IFT122: variants seen among roughly 807,000 people sequenced by gnomAD.
IFT122 encodes the protein intraflagellar transport 122.
IFT122 carries 118 observed loss-of-function variants against 161.6 expected under a neutral mutation model. That is an observed-to-expected ratio of 0.73 (90% CI 0.63 to 0.85). The LOEUF is 0.85. Ranked by LOEUF, IFT122 falls within the 40% of genes least tolerant of loss-of-function variation. The probability of loss-of-function intolerance (pLI) is 0.00; values close to 1 mark genes in which losing one functional copy is unlikely to be tolerated. For synonymous variants in IFT122, 550 were observed against 602.4 expected, an observed-to-expected ratio of 0.91 and a Z score of 1.27; for missense variants, 1,381 against 1,579.6, an observed-to-expected ratio of 0.87 and a Z score of 2.13.
rs574851376 is a variant in IFT122, at chr3:129,442,372, G to GAT, written c.41+2009_41+2010dup. Among the ~76,000 whole-genome samples the GAT allele has an allele frequency of 2.0e-3, 297 of 152,060 alleles. 1 individual carries two copies. The highest frequency in any genetic ancestry group is 6.2e-3 in the African/African-American group (259 of 41,466). The stretch of plus-strand genomic sequence containing the variant: ...TACTATGGATAGTAATAAAATACTA[G>GAT]ATATATATAAAACGAAATACTGTGG... On this transcript the variant is annotated intron_variant, in intron 1 of 29. Transcript: ENST00000348417.
Position 129,463,568 on chromosome 3 carries a change from T to C in IFT122, c.358T>C (p.Ser120Pro). The C allele has an allele frequency of 6.2e-7, 1 of 1,613,816 alleles. No individual in the cohort carries two copies. The highest frequency in any genetic ancestry group is 1.1e-5 in the South Asian group (1 of 91,080). The change falls in exon 6 of 30, where the codon TCT (serine) becomes CCT (proline). Residue 120 changes from serine (S) to proline (P), a missense_variant. Ser to Pro is a moderately conservative substitution (Grantham distance 74). Around this residue, in one of 7 missense-constraint regions of IFT122, gnomAD observed 3 missense variants for 18.8 expected, o/e 0.16. Transcript: ENST00000348417. ...ATTATTGTGCATTGAAGGGTTGTGGTCTCCTGAACAGAAGTCTGTCTCCAA... is the reference window on the plus strand; with the variant it reads ...ATTATTGTGCATTGAAGGGTTGTGGCCTCCTGAACAGAAGTCTGTCTCCAA... ...SCSSSDFGLWSPEQKSVSKHK... is the reference protein window; with the variant it reads ...SCSSSDFGLWPPEQKSVSKHK...
chr3:129,460,753 G>A, intron 4 of IFT122: 1 of 904,882 alleles, frequency 1.1e-6, no homozygotes, highest in Admixed American at 1.7e-5. Context: ...TGTAAGTAAA[G>A]TATTACCCAC....
chr3:129,518,999 C>T, intron 27 of IFT122, 108 bp from the exon 28 acceptor site: 1 of 946,234 alleles, frequency 1.1e-6, no homozygotes, highest in South Asian at 1.3e-5. Flanking sequence ...CTGGAAAACT[C>T]TTCCACTGGT....
intron 3 of IFT122, 60 bp from the exon 4 acceptor site, chr3:129,458,539 T>A: frequency 7.1e-7 from 1 of 1,402,166 alleles, no homozygotes; most frequent in Admixed American, 1.7e-5. Context: ...TAAAGAATTC[T>A]CTCTGGGAAA....
rs10579071 is a variant in IFT122, at chr3:129,494,685, A to AGTGTGTGT, written c.2047-744_2047-737dup. Among the ~76,000 whole-genome samples, 166 of 150,614 alleles carry AGTGTGTGT rather than the reference A, an allele frequency of 1.1e-3. 1 individual carries two copies. The highest frequency in any genetic ancestry group is 8.1e-3 in the East Asian group (41 of 5,056). Reference sequence around the variant, plus strand: ...AAGAAGCTTTATCCTAGCTGTGCTAAGTGTGTGTGTGTGTGTGTGTGTGTT... The same window carrying AGTGTGTGT: ...AAGAAGCTTTATCCTAGCTGTGCTAAGTGTGTGTGTGTGTGTGTGTGTGTGTGTGTGTT... On this transcript the variant is annotated intron_variant, in intron 17 of 29. Transcript: ENST00000348417.
chr3:129,518,613 A>G (rs557629252), intron 27 of IFT122, among the ~76,000 whole-genome samples: 2 of 152,228 alleles, frequency 1.3e-5, no homozygotes, highest in Non-Finnish European at 2.9e-5. Flanking sequence ...ACTTGGTACC[A>G]GCAGTCCCCA....
chr3:129,460,836 G>T, intron 4 of IFT122: 1 of 1,602,344 alleles, frequency 6.2e-7, no homozygotes, highest in Non-Finnish European at 8.6e-7. Context: ...GTTGTCTAAG[G>T]ATTTGTCATG....
chr3:129,448,817 G>A lies in IFT122; in HGVS notation c.42-1054G>A, dbSNP rs373306639. Among the ~76,000 whole-genome samples, 36 of 151,838 alleles carry A rather than the reference G, an allele frequency of 2.4e-4. No homozygotes were observed. The East Asian group carries it at 5.8e-3, about 25-fold the overall frequency. On this transcript the variant is annotated intron_variant, in intron 1 of 29. Transcript: ENST00000348417. ...AGTGATTCTCCTGCCTCAGCCTCTC[G>A]AGTAGCTGGGATTACAGGCGCTCAC...
chr3:129,476,288 C>G, intron 9 of IFT122, 27 bp from the exon 10 acceptor site: 1 of 1,613,574 alleles, frequency 6.2e-7, no homozygotes, highest in Non-Finnish European at 8.5e-7. Context: ...AATGGTTTTT[C>G]CCTTGCTGTG....
Position 129,515,471 on chromosome 3 carries a change from C to A in IFT122, c.3154-17C>A. 1.7e-6 allele frequency: 2 copies of A among 1,176,842 alleles called. No individual in the cohort carries two copies. Among genetic ancestry groups the A allele is most frequent in the South Asian group, 1.3e-5 (1 of 78,826 alleles). The allele number at this position is 1,176,842 out of a possible 1,614,324, so 72.9% of individuals were successfully genotyped here. A position where few individuals can be genotyped will look rare whatever the true frequency, so the allele number is the denominator to read the frequency against. On this transcript the variant is annotated splice_polypyrimidine_tract_variant and intron_variant, in intron 25 of 29. Coordinates refer to ENST00000348417, the MANE Select transcript of IFT122 (RefSeq NM_052989.3). Reference sequence around the variant, plus strand: ...GTGCCTGCCCCGGCCCCTCGGGAGTCCGTGGCTGTTTTGTAGGAGTTGGTG... The same window carrying A: ...GTGCCTGCCCCGGCCCCTCGGGAGTACGTGGCTGTTTTGTAGGAGTTGGTG...
intron 3 of IFT122, among the ~76,000 whole-genome samples, chr3:129,456,965 ACT>A (rs1469991187): frequency 2.0e-5 from 3 of 152,100 alleles, no homozygotes; most frequent in Non-Finnish European, 4.4e-5. Flanking sequence ...CCATAAAAAG[ACT>A]CTGAGGAAGA....
chr3:129,514,209 T>G, intron 24 of IFT122, 180 bp from the exon 25 acceptor site: 1 of 728,252 alleles, frequency 1.4e-6, no homozygotes, highest in Non-Finnish European at 2.5e-6. Flanking sequence ...TTCCTGGGCC[T>G]TGCCATCCGA....
At chr3:129,506,009 C>T (rs1447667361) in intron 21 of IFT122, among the ~76,000 whole-genome samples, 1 of 152,164 alleles carries the variant, frequency 6.6e-6, no homozygotes, top group Non-Finnish European at 1.5e-5. Context: ...AAGCATTTTA[C>T]CTCCAAGTGC....
chr3:129,479,994 ACT>A, intron 13 of IFT122, 72 bp downstream of exon 13: 1 of 1,582,402 alleles, frequency 6.3e-7, no homozygotes, highest in Non-Finnish European at 8.7e-7. Flanking sequence ...TCTAGCAATG[ACT>A]CTGAGCTGGG....
At chr3:129,488,442 TC>T (rs2079585584) in intron 16 of IFT122, 45 bp downstream of exon 16, 1 of 1,613,242 alleles carries the variant, frequency 6.2e-7, no homozygotes, top group Non-Finnish European at 8.5e-7. Flanking sequence ...CCTTGTGGGG[TC>T]CCTTAAGAAG....
At chr3:129,468,862 G>C (rs2077074379) in intron 8 of IFT122, among the ~76,000 whole-genome samples, 1 of 152,234 alleles carries the variant, frequency 6.6e-6, no homozygotes, top group South Asian at 2.1e-4. Flanking sequence ...CCGCCTGCAG[G>C]AGAACCTATT....
chr3:129,485,196 A>G (rs570109093), intron 15 of IFT122, among the ~76,000 whole-genome samples: 5 of 152,354 alleles, frequency 3.3e-5, no homozygotes, highest in African/African-American at 1.2e-4. Flanking sequence ...GCCTTGGCAT[A>G]AATTCCTAGA....
intron 8 of IFT122, among the ~76,000 whole-genome samples, chr3:129,467,537 T>C (rs2076934680): frequency 6.6e-6 from 1 of 152,210 alleles, no homozygotes; most frequent in Admixed American, 6.5e-5. Context: ...CCTCTATTAC[T>C]GGACACGTTT....
At chr3:129,510,327 G>A (rs564098386) in intron 23 of IFT122, among the ~76,000 whole-genome samples, 12 of 152,270 alleles carry the variant, frequency 7.9e-5, no homozygotes, top group Admixed American at 2.6e-4. Context: ...TGCCTCTTGG[G>A]AAAGTCTGGC....
Sources: allele counts gnomAD v4.1 joint callset (sites outside exome capture counted in the v4.1 genomes callset), GRCh38; gene constraint gnomAD v4.1.1; regional missense constraint gnomAD v4.1.1; transcripts MANE v1.5; gene names NCBI Gene and HGNC (gene_info 2026-07-23, HGNC 2026-07-21).